GTF3C3: variants seen among roughly 807,000 people sequenced by gnomAD.
The protein encoded by GTF3C3 is general transcription factor 3C polypeptide 3.
GTF3C3 carries 75 observed loss-of-function variants against 105.2 expected under a neutral mutation model. The observed-to-expected ratio is 0.71, with a 90% confidence interval of 0.59 to 0.86. The LOEUF is 0.86. Among genes scored for constraint, GTF3C3 ranks in the 40% least tolerant of loss-of-function variants. The probability of loss-of-function intolerance (pLI) is 0.00; values close to 1 mark genes in which losing one functional copy is unlikely to be tolerated. For synonymous variants in GTF3C3, 335 were observed against 370.4 expected, an observed-to-expected ratio of 0.90 and a Z score of 1.10; for missense variants, 856 against 1,076.5, an observed-to-expected ratio of 0.80 and a Z score of 2.87.
intron 9 of GTF3C3, 60 bp from the exon 10 acceptor site, chr2:196,779,127 T>A: frequency 1.6e-6 from 2 of 1,247,388 alleles, no homozygotes; most frequent in Non-Finnish European, 2.3e-6. Context: ...CATCTATCTA[T>A]AGCTTTTTTT....
rs767147252 is a variant in GTF3C3, at chr2:196,797,829, G to C, written c.182C>G (p.Ser61Cys). ...SEVPSSSGIN[S>C]TKSQDKDVNE... ...GACATCTTTGTCTTGGGATTTGGTAGAGTTAATTCCTGATGATGATGGAAC... is the reference window on the plus strand; with the variant it reads ...GACATCTTTGTCTTGGGATTTGGTACAGTTAATTCCTGATGATGATGGAAC... The change falls in exon 2 of 18, where the codon TCT becomes TGT. Residue 61 changes from serine (S) to cysteine (C), a missense_variant. Ser to Cys is a moderately radical substitution (Grantham distance 112, BLOSUM62 -1). This residue lies in a region of GTF3C3 where 117 missense variants were observed against 114.0 expected (regional missense o/e 1.03). Coordinates refer to ENST00000263956, the MANE Select transcript of GTF3C3 (RefSeq NM_012086.5). 1 of 1,607,438 alleles carries C rather than the reference G, an allele frequency of 6.2e-7. No homozygotes were observed. Among genetic ancestry groups the C allele is most frequent in the Non-Finnish European group, 8.5e-7 (1 of 1,173,988 alleles).
chr2:196,786,998 TG>T lies in GTF3C3; in HGVS notation c.894-1411del, dbSNP rs1453515351. ...TGTTCTCAGTTTCCTGCTACTTCACTGGCCATTTTCTTTTAGTCTCCCAGCT... is the reference window on the plus strand; with the variant it reads ...TGTTCTCAGTTTCCTGCTACTTCACTGCCATTTTCTTTTAGTCTCCCAGCT... On this transcript the variant is annotated intron_variant, in intron 6 of 17. Coordinates refer to ENST00000263956, the MANE Select transcript of GTF3C3 (RefSeq NM_012086.5). The surrounding 1 kb of genome is among the most constrained non-coding windows in gnomAD (Gnocchi z 4.2). Among the ~76,000 whole-genome samples, 1 of 152,144 alleles carries T rather than the reference TG, an allele frequency of 6.6e-6. No individual in the cohort carries two copies. The highest frequency in any genetic ancestry group is 1.9e-4 in the East Asian group (1 of 5,194).
At position 196,771,272 on chromosome 2, in the gene GTF3C3, T is replaced by C. The variant is rs150340919; in HGVS notation, c.2260+476A>G. ...TAAATCTTAATATAGATTTAGCTCC[T>C]GAAGGAATGAACTTTCAGCAAATCT... On this transcript the variant is annotated intron_variant, in intron 15 of 17. Transcript: ENST00000263956. 5.1e-3 allele frequency among the ~76,000 whole-genome samples: 784 copies of C among 152,320 alleles called. 4 individuals carry two copies. The highest frequency in any genetic ancestry group is 0.018 in the African/African-American group (747 of 41,586).
chr2:196,795,785 A>C (rs1355732749), intron 2 of GTF3C3, among the ~76,000 whole-genome samples: 1 of 152,226 alleles, frequency 6.6e-6, no homozygotes, highest in Non-Finnish European at 1.5e-5. Context: ...ATTTTACTGG[A>C]GGTCCTAGCC....
intron 14 of GTF3C3, among the ~76,000 whole-genome samples, chr2:196,772,532 G>A (rs1010916833): frequency 1.2e-4 from 18 of 151,940 alleles, no homozygotes; most frequent in African/African-American, 3.6e-4. Flanking sequence ...TGGGCAATAG[G>A]AGCAAAACTC....
At chr2:196,785,885 T>G (rs1699445928) in intron 6 of GTF3C3, among the ~76,000 whole-genome samples, 1 of 152,008 alleles carries the variant, frequency 6.6e-6, no homozygotes, top group East Asian at 1.9e-4. Flanking sequence ...AAAGCATAGG[T>G]CCTACCACTT....
rs1325172621 is a variant in GTF3C3, at chr2:196,766,008, T to TA, written c.2538+556_2538+557insT. ...CTGGGCCACAGAGCAAGACTCTGTC[T>TA]CCAAAAAAAAAAAAAAAAAAAAAAA... On this transcript the variant is annotated intron_variant, in intron 17 of 17. Transcript: ENST00000263956. 7.6e-5 allele frequency among the ~76,000 whole-genome samples: 3 copies of TA among 39,630 alleles called. No homozygotes were observed. The Admixed American group carries it at 1.4e-3, about 18-fold the overall frequency. 26.0% of individuals were successfully genotyped at this position (39,630 alleles called of 152,430 possible).
At chr2:196,782,996 T>A (rs1453550572) in intron 8 of GTF3C3, among the ~76,000 whole-genome samples, 1 of 152,224 alleles carries the variant, frequency 6.6e-6, no homozygotes. Context: ...CAGAAGAATT[T>A]AAAAATGTGA....
chr2:196,784,931 TA>T lies in GTF3C3; in HGVS notation c.1042-3del, dbSNP rs780665689. On this transcript the variant is annotated splice_polypyrimidine_tract_variant and splice_region_variant and intron_variant, in intron 7 of 17. Transcript: ENST00000263956. The stretch of plus-strand genomic sequence containing the variant: ...AATTCCAGAAAAATCTGTAATTATC[TA>T]AAAGAATGGGAAAGAAGAAAGGAAA... The T allele has an allele frequency of 5.1e-6, 8 of 1,575,188 alleles. No homozygotes were observed. Among genetic ancestry groups the T allele is most frequent in the Non-Finnish European group, 6.1e-6 (7 of 1,146,554 alleles).
Position 196,764,507 on chromosome 2 carries a change from G to GAAGA in GTF3C3, c.*52_*55dup. 6.6e-7 allele frequency: 1 copy of GAAGA among 1,508,248 alleles called. No homozygotes were observed. The highest frequency in any genetic ancestry group is 9.0e-7 in the Non-Finnish European group (1 of 1,112,890). The allele number at this position is 1,508,248 out of a possible 1,614,324, so 93.4% of individuals were successfully genotyped here. A position where few individuals can be genotyped will look rare whatever the true frequency, so the allele number is the denominator to read the frequency against. ...GTTACAAATAATAAGCCCTGAGACA[G>GAAGA]AAGACACTGGTCCTCACACAGCAGC... is the stretch of plus-strand genomic sequence containing the variant. On this transcript the variant is annotated 3_prime_UTR_variant, in exon 18 of 18. Coordinates refer to ENST00000263956, the MANE Select transcript of GTF3C3 (RefSeq NM_012086.5).
At chr2:196,766,010 CAAAAAAA>C (rs11424716) in intron 17 of GTF3C3, among the ~76,000 whole-genome samples, 11 of 87,172 alleles carry the variant, frequency 1.3e-4, no homozygotes, top group Admixed American at 6.0e-4. Context: ...ACTCTGTCTC[CAAAAAAA>C]AAAAAAAAAA....
chr2:196,773,125 C>T lies in GTF3C3; in HGVS notation c.1860G>A (p.Leu620=). 6.2e-7 allele frequency: 1 copy of T among 1,610,218 alleles called. No homozygotes were observed. Among genetic ancestry groups the T allele is most frequent in the Non-Finnish European group, 8.5e-7 (1 of 1,177,888 alleles). The change falls in exon 14 of 18, where the codon TTG becomes TTA. Residue 620 remains leucine, a synonymous_variant. Coordinates refer to ENST00000263956, the MANE Select transcript of GTF3C3 (RefSeq NM_012086.5). ...GAAGATTCCACCAGTCATCCTTTGT[C>T]AAGACGCTTGTGAGCACAGCAAATA... ...KAIFAVLTSV[L]TKDDWWNLLL... is the part of the protein sequence containing the mutation.
intron 1 of GTF3C3, 53 bp from the exon 2 acceptor site, chr2:196,797,961 C>T (rs944642118): frequency 1.8e-5 from 18 of 1,012,234 alleles, no homozygotes; most frequent in Non-Finnish European, 2.7e-5. Flanking sequence ...ACTTAGCTCT[C>T]CCCAGCCACA....
At position 196,786,671 on chromosome 2, in the gene GTF3C3, A is replaced by G. The variant is rs899990112; in HGVS notation, c.894-1083T>C. 6.6e-6 allele frequency among the ~76,000 whole-genome samples: 1 copy of G among 152,096 alleles called. No homozygotes were observed. The highest frequency in any genetic ancestry group is 2.4e-5 in the African/African-American group (1 of 41,410). On this transcript the variant is annotated intron_variant, in intron 6 of 17. Transcript: ENST00000263956. The surrounding 1 kb of genome is among the most constrained non-coding windows in gnomAD (Gnocchi z 4.2). Reference sequence around the variant, plus strand: ...ATTACTCCCATCTAAATAAAGATAAATGGTAATTTTTCCCAACTTAAAAAA... The same window carrying G: ...ATTACTCCCATCTAAATAAAGATAAGTGGTAATTTTTCCCAACTTAAAAAA...
In GTF3C3 at chr2:196,793,037, T is replaced by TTCCTCC. The variant is rs555178972; in HGVS notation, c.324_329dup (p.Glu110_Glu111dup). On this transcript the variant is annotated inframe_insertion, in exon 3 of 18. Transcript: ENST00000263956. ...CCGCAGTGGGTTGCTCAGGTGTTTC[T>TTCCTCC]TCCTCCTCCTCCTCCTCCTCCTCTT... 16 of 1,611,246 alleles carry TTCCTCC rather than the reference T, an allele frequency of 9.9e-6. No individual in the cohort carries two copies. The highest frequency in any genetic ancestry group is 4.0e-5 in the African/African-American group (3 of 74,728).
chr2:196,797,359 T>C (rs190017361), intron 2 of GTF3C3, among the ~76,000 whole-genome samples: 55 of 152,338 alleles, frequency 3.6e-4, no homozygotes, highest in Admixed American at 1.7e-3. Context: ...GTGCTGTGTG[T>C]GAAGTTCCAT....
intron 17 of GTF3C3, among the ~76,000 whole-genome samples, chr2:196,766,007 CT>C (rs1382171254): frequency 3.9e-4 from 27 of 68,794 alleles, no homozygotes; most frequent in African/African-American, 1.1e-3. Flanking sequence ...AAGACTCTGT[CT>C]CCAAAAAAAA....
At chr2:196,768,104 ACCT>A (rs1699101822) in intron 16 of GTF3C3, among the ~76,000 whole-genome samples, 1 of 151,926 alleles carries the variant, frequency 6.6e-6, no homozygotes, top group Admixed American at 6.6e-5. Flanking sequence ...TGCAACCTCC[ACCT>A]CCTGGGTTCA....
At position 196,765,414 on chromosome 2, in the gene GTF3C3, TAAAC is replaced by T. The variant is rs992929531; in HGVS notation, c.2539-733_2539-730del. 2.6e-5 allele frequency among the ~76,000 whole-genome samples: 4 copies of T among 152,018 alleles called. No individual in the cohort carries two copies. The East Asian group carries it at 7.7e-4, about 29-fold the overall frequency. On this transcript the variant is annotated intron_variant, in intron 17 of 17. Coordinates refer to ENST00000263956, the MANE Select transcript of GTF3C3 (RefSeq NM_012086.5). The stretch of plus-strand genomic sequence containing the variant: ...ATAACACTGTATAAACAACCTTTAA[TAAAC>T]AATCTCTTAGGTGTATTTGAAAACT...
Sources: allele counts gnomAD v4.1 joint callset (sites outside exome capture counted in the v4.1 genomes callset), GRCh38; gene constraint gnomAD v4.1.1; regional missense constraint gnomAD v4.1.1; non-coding constraint Gnocchi (gnomAD v3.1); transcripts MANE v1.5; gene names NCBI Gene and HGNC (gene_info 2026-07-23, HGNC 2026-07-21).